The following LDB1 variants were observed in gnomAD, a reference collection of about 807,000 sequenced individuals.
LDB1 encodes LIM domain-binding protein 1.
In LDB1, 6 loss-of-function variants were observed where a neutral mutation model predicts 49.7. The ratio of observed to expected loss-of-function variants is 0.12; its 90% CI spans 0.07 to 0.24. The LOEUF (loss-of-function observed/expected upper bound fraction) is 0.24. LDB1 is among the 10% of genes least tolerant of loss of function. The probability of loss-of-function intolerance (pLI) is 1.00; values close to 1 mark genes in which losing one functional copy is unlikely to be tolerated. For synonymous variants in LDB1, 233 were observed against 202.0 expected, an observed-to-expected ratio of 1.15 and a Z score of -1.30; for missense variants, 341 against 561.7, an observed-to-expected ratio of 0.61 and a Z score of 3.97.
chr10:102,107,122 G>C lies in LDB1; in HGVS notation c.*971C>G, dbSNP rs567694093. On this transcript the variant is annotated 3_prime_UTR_variant, in exon 11 of 11. Transcript: ENST00000673968. ...ACAAAACCAAAAATACAGCAACAAG[G>C]CTGCTCCCTTCTCTCCACGCTCCCT... Among the ~76,000 whole-genome samples, 47 of 152,228 alleles carry C rather than the reference G, an allele frequency of 3.1e-4. No homozygotes were observed. Among genetic ancestry groups the C allele is most frequent in the African/African-American group, 1.1e-3 (47 of 41,516 alleles).
At chr10:102,114,812 G>GGGCGCCCCCCCCCCCCC in intron 1 of LDB1, 3 of 929,818 alleles carry the variant, frequency 3.2e-6, no homozygotes, top group Non-Finnish European at 2.6e-6. Flanking sequence ...CCTCCGAGCA[G>GGGCGCCCCCCCCCCCCC]CCCGCCCGCC....
chr10:102,110,417 T>C, intron 6 of LDB1, 112 bp downstream of exon 6: 1 of 1,097,418 alleles, frequency 9.1e-7, no homozygotes, highest in African/African-American at 1.6e-5. Flanking sequence ...CCTTCTTATT[T>C]TGCCAGTTCA....
At chr10:102,110,844 T>A in intron 5 of LDB1, 25 bp downstream of exon 5, 1 of 1,603,040 alleles carries the variant, frequency 6.2e-7, no homozygotes. Context: ...TACACCCTCA[T>A]AGCAAGACCC....
intron 1 of LDB1, chr10:102,114,379 A>G (rs2068301513): frequency 2.0e-6 from 2 of 986,058 alleles, no homozygotes; most frequent in Non-Finnish European, 2.4e-6. Context: ...CCCACCCCCA[A>G]CAGGCTCGCA....
intron 10 of LDB1, 38 bp downstream of exon 10, chr10:102,108,991 G>A (rs1422846893): frequency 6.2e-7 from 1 of 1,613,926 alleles, no homozygotes; most frequent in East Asian, 2.2e-5. Context: ...GTGAGTGGTG[G>A]GGCAGCCCAG....
At position 102,107,204 on chromosome 10, in the gene LDB1, T is replaced by G. The variant is rs1219151188; in HGVS notation, c.*889A>C. On this transcript the variant is annotated 3_prime_UTR_variant, in exon 11 of 11. Coordinates refer to ENST00000673968, the MANE Select transcript of LDB1 (RefSeq NM_001113407.3). The stretch of plus-strand genomic sequence containing the variant: ...GACAGCTGCTCTTGTGGAGGACTTG[T>G]AAGGAATATACATACCATGGGGGTG... 1.3e-5 allele frequency among the ~76,000 whole-genome samples: 2 copies of G among 151,960 alleles called. No homozygotes were observed. Among genetic ancestry groups the G allele is most frequent in the Non-Finnish European group, 2.9e-5 (2 of 67,990 alleles).
At chr10:102,120,653 T>G (rs891873662), upstream of LDB1, among the ~76,000 whole-genome samples, 1 of 152,086 alleles carries the variant, frequency 6.6e-6, no homozygotes, top group African/African-American at 2.4e-5. Flanking sequence ...GGGAACGGCA[T>G]GCATGTGACG....
At position 102,110,302 on chromosome 10, in the gene LDB1, T is replaced by C. The variant is rs2068232875; in HGVS notation, c.525+227A>G. ...AGTGATACACCCACCTGCTCTAAGC[T>C]ATATGAGGGCAGACTCTTGTTCACT... On this transcript the variant is annotated intron_variant, in intron 6 of 10. Coordinates refer to ENST00000673968, the MANE Select transcript of LDB1 (RefSeq NM_001113407.3). 7 of 623,394 alleles carry C rather than the reference T, an allele frequency of 1.1e-5. No individual in the cohort carries two copies. In the South Asian group the frequency reaches 1.4e-4, roughly 12 times the overall value. 38.6% of individuals were successfully genotyped at this position (623,394 alleles called of 1,614,324 possible). A position where few individuals can be genotyped will look rare whatever the true frequency, so the allele number is the denominator to read the frequency against.
At chr10:102,115,086 G>A (rs1314038287) in intron 1 of LDB1, 1 of 153,136 alleles carries the variant, frequency 6.5e-6, no homozygotes, top group Non-Finnish European at 1.5e-5. Flanking sequence ...GCAAGGGAGG[G>A]AGGGAGGCTG....
chr10:102,120,062 C>A (rs1196377669), intron 1 of LDB1, 24 bp downstream of exon 1: 5 of 1,425,514 alleles, frequency 3.5e-6, no homozygotes, highest in Non-Finnish European at 4.6e-6. Flanking sequence ...AGGAAGGGGC[C>A]GAGTGGCCGC....
downstream of LDB1, among the ~76,000 whole-genome samples, chr10:102,102,721 G>A (rs1347173561): frequency 6.6e-6 from 1 of 152,186 alleles, no homozygotes; most frequent in African/African-American, 2.4e-5. Flanking sequence ...GAGCCCCAGA[G>A]CTGGGCCCTG....
downstream of LDB1, among the ~76,000 whole-genome samples, chr10:102,105,373 T>C (rs1296848645): frequency 2.0e-5 from 3 of 152,160 alleles, no homozygotes; most frequent in Non-Finnish European, 4.4e-5. Context: ...GGACAGGTCA[T>C]ACAGTCCCTT....
chr10:102,108,359 C>T (rs1211367977), intron 10 of LDB1, 36 bp from the exon 11 acceptor site: 1 of 1,566,114 alleles, frequency 6.4e-7, no homozygotes, highest in Non-Finnish European at 8.8e-7. Flanking sequence ...ATAATCGGGG[C>T]AAGGGCTCGC....
At position 102,119,626 on chromosome 10, in the gene LDB1, C is replaced by T. The variant is rs1327461039; in HGVS notation, c.25+460G>A. Among the ~76,000 whole-genome samples the T allele has an allele frequency of 4.6e-5, 7 of 151,860 alleles. No individual in the cohort carries two copies. In the East Asian group the frequency reaches 1.4e-3, roughly 29 times the overall value. On this transcript the variant is annotated intron_variant, in intron 1 of 10. Transcript: ENST00000673968. ...CAAGATGGGCCGCAATCAATACCTC[C>T]CTGCAAACAGGGTCCTCAGAAACAG... is the stretch of plus-strand genomic sequence containing the variant.
chr10:102,116,866 G>C (rs998454694), intron 1 of LDB1, among the ~76,000 whole-genome samples: 3 of 152,152 alleles, frequency 2.0e-5, no homozygotes, highest in African/African-American at 4.8e-5. Flanking sequence ...CTCTGGGGTA[G>C]TCCCACTTCT....
chr10:102,120,477 G>T, upstream of LDB1: 2 of 806,050 alleles, frequency 2.5e-6, no homozygotes, highest in Non-Finnish European at 3.0e-6. Context: ...TCGCGCCGGC[G>T]CCGGCTCCCC....
chr10:102,113,716 G>C (rs3781296), intron 1 of LDB1, among the ~76,000 whole-genome samples: 2,882 of 148,156 alleles, frequency 0.019, 141 homozygotes, highest in East Asian at 0.18. Flanking sequence ...TCAAGAACCT[G>C]AAGAGACAGG....
Position 102,109,388 on chromosome 10 carries a change from G to T in LDB1, c.852C>A (p.Pro284=), listed in dbSNP as rs2068217020. The change falls in exon 9 of 11, where the codon CCC becomes CCA. Residue 284 remains proline (P), a synonymous_variant. Coordinates refer to ENST00000673968, the MANE Select transcript of LDB1 (RefSeq NM_001113407.3). The surrounding 1 kb of genome is among the most constrained non-coding windows in gnomAD (Gnocchi z 5.8). ...GAGCAGGTGCAAGGCACTCACCAGG[G>T]GGTGCTACCATGCGCTGCCACTTCT... ...LFQKWQRMVA[P]PAEPTRQQPS... 6.2e-7 allele frequency: 1 copy of T among 1,614,134 alleles called. No individual in the cohort carries two copies. The highest frequency in any genetic ancestry group is 8.5e-7 in the Non-Finnish European group (1 of 1,180,036).
intron 1 of LDB1, among the ~76,000 whole-genome samples, chr10:102,115,799 T>C (rs2068328978): frequency 6.6e-6 from 1 of 151,040 alleles, no homozygotes; most frequent in African/African-American, 2.4e-5. Flanking sequence ...AGGGAGCAGA[T>C]ATTTCTATTT....
Sources: gnomAD v4.1 joint callset for allele counts (sites outside exome capture counted in the v4.1 genomes callset) on GRCh38, gnomAD v4.1.1 for gene constraint, Gnocchi (gnomAD v3.1) non-coding constraint, MANE v1.5 for transcripts, NCBI Gene and HGNC (gene_info 2026-07-23, HGNC 2026-07-21) for gene names.